ABI1: variants seen among roughly 807,000 people sequenced by gnomAD.
The protein encoded by ABI1 is abl interactor 1.
Under a neutral mutation model 54.6 loss-of-function variants are expected in ABI1, and 14 were observed. The observed-to-expected ratio is 0.26, with a 90% confidence interval of 0.17 to 0.40. The LOEUF (loss-of-function observed/expected upper bound fraction) is 0.40. Ranked by LOEUF, ABI1 falls within the 10% of genes least tolerant of loss-of-function variation. ABI1 has a pLI of 1.00. For missense variants in ABI1, 443 were observed against 598.3 expected (o/e 0.74, Z 2.71); for synonymous variants, 194 against 209.3 (o/e 0.93, Z 0.63).
intron 3 of ABI1, among the ~76,000 whole-genome samples, chr10:26,774,749 T>C (rs972241013): frequency 6.6e-6 from 1 of 151,972 alleles, no homozygotes; most frequent in Non-Finnish European, 1.5e-5. Context: ...GAAAATGCAA[T>C]GGAATATTAA....
At chr10:26,759,600 G>T (rs1201127780) in intron 7 of ABI1, among the ~76,000 whole-genome samples, 1 of 152,048 alleles carries the variant, frequency 6.6e-6, no homozygotes, top group Admixed American at 6.5e-5. Flanking sequence ...AGTACCAAAA[G>T]ATGGTGTGAG....
chr10:26,781,106 A>G (rs890545530), intron 2 of ABI1, among the ~76,000 whole-genome samples: 9 of 152,166 alleles, frequency 5.9e-5, no homozygotes, highest in Admixed American at 2.0e-4. Context: ...TGCACAGATG[A>G]CTTTCCTGAC....
intron 1 of ABI1, among the ~76,000 whole-genome samples, chr10:26,823,954 A>G (rs774290494): frequency 6.7e-6 from 1 of 150,288 alleles, no homozygotes; most frequent in Non-Finnish European, 1.5e-5. Context: ...TCACTAACAT[A>G]TAATCTAAAA....
At chr10:26,818,559 G>A (rs1328737413) in intron 2 of ABI1, among the ~76,000 whole-genome samples, 3 of 145,380 alleles carry the variant, frequency 2.1e-5, no homozygotes, top group Non-Finnish European at 4.4e-5. Context: ...GGGGAAGGCA[G>A]GGGCAAAGGT....
chr10:26,856,523 C>A (rs1354867939), intron 1 of ABI1, among the ~76,000 whole-genome samples: 1 of 146,584 alleles, frequency 6.8e-6, no homozygotes, highest in Non-Finnish European at 1.5e-5. Flanking sequence ...CTTTTACCTA[C>A]TCCAAACGGA....
chr10:26,790,338 A>G (rs1223659536), intron 2 of ABI1, among the ~76,000 whole-genome samples: 3 of 152,150 alleles, frequency 2.0e-5, no homozygotes, highest in African/African-American at 7.2e-5. Context: ...GACTGGTATG[A>G]GATGGTAGCT....
intron 1 of ABI1, among the ~76,000 whole-genome samples, chr10:26,838,239 G>A (rs1354089237): frequency 6.6e-6 from 1 of 151,796 alleles, no homozygotes; most frequent in Admixed American, 6.6e-5. Flanking sequence ...GGCCAAGCTG[G>A]TCTGGAACTC....
At chr10:26,835,105 A>C (rs1210377119) in intron 1 of ABI1, among the ~76,000 whole-genome samples, 2 of 149,648 alleles carry the variant, frequency 1.3e-5, no homozygotes, top group East Asian at 2.0e-4. Flanking sequence ...AAAAAAAAAA[A>C]AAAAAAAAAA....
chr10:26,798,849 C>A (rs896649972), intron 2 of ABI1, among the ~76,000 whole-genome samples: 1 of 151,536 alleles, frequency 6.6e-6, no homozygotes, highest in Non-Finnish European at 1.5e-5. Flanking sequence ...GAGATCTCAA[C>A]ACATGAGATC....
chr10:26,785,488 G>A (rs963874195), intron 2 of ABI1, among the ~76,000 whole-genome samples: 7 of 152,144 alleles, frequency 4.6e-5, no homozygotes, highest in Non-Finnish European at 8.8e-5. Context: ...TTGGGAGGCC[G>A]AGTAGGGCAG....
chr10:26,776,798 CAT>C (rs779938379), intron 3 of ABI1: 72 of 302,258 alleles, frequency 2.4e-4, no homozygotes, highest in Non-Finnish European at 3.8e-4. Flanking sequence ...GAAAGAAAGA[CAT>C]AGAATTCACA....
At chr10:26,842,748 A>G (rs2049620444) in intron 1 of ABI1, among the ~76,000 whole-genome samples, 1 of 152,208 alleles carries the variant, frequency 6.6e-6, no homozygotes, top group African/African-American at 2.4e-5. Context: ...ACTACATAAT[A>G]AATTAGAGCC....
chr10:26,855,482 A>AT (rs2050727933), intron 1 of ABI1, among the ~76,000 whole-genome samples: 1 of 152,230 alleles, frequency 6.6e-6, no homozygotes, highest in Admixed American at 6.5e-5. Context: ...CTTAACTTTT[A>AT]TGAGTCCTAA....
chr10:26,791,158 C>T (rs149711415), intron 2 of ABI1, among the ~76,000 whole-genome samples: 26 of 148,734 alleles, frequency 1.7e-4, no homozygotes, highest in African/African-American at 5.7e-4. Flanking sequence ...AAAATCATAT[C>T]AAGAGTTGTG....
At chr10:26,852,988 G>A (rs1362409640) in intron 1 of ABI1, among the ~76,000 whole-genome samples, 1 of 152,116 alleles carries the variant, frequency 6.6e-6, no homozygotes, top group Non-Finnish European at 1.5e-5. Flanking sequence ...CTATGTCTGA[G>A]AAAGTTTTAT....
In ABI1 at chr10:26,860,447, GA is replaced by G. The variant is rs1564600669; in HGVS notation, c.117+299del. Among the ~76,000 whole-genome samples, 1 of 152,202 alleles carries G rather than the reference GA, an allele frequency of 6.6e-6. No homozygotes were observed. The highest frequency in any genetic ancestry group is 1.5e-5 in the Non-Finnish European group (1 of 68,028). On this transcript the variant is annotated intron_variant, in intron 1 of 10. Transcript: ENST00000376140. The surrounding 1 kb of genome is among the most constrained non-coding windows in gnomAD (Gnocchi z 4.1). ...CGACCCCGGTGGCCGGGCCCTGGGGGAAGCGGACGCGAGGGGGGCGCCGGGC... is the reference window on the plus strand; with the variant it reads ...CGACCCCGGTGGCCGGGCCCTGGGGGAGCGGACGCGAGGGGGGCGCCGGGC...
At chr10:26,775,211 T>G (rs1050132379) in intron 3 of ABI1, among the ~76,000 whole-genome samples, 1 of 152,018 alleles carries the variant, frequency 6.6e-6, no homozygotes, top group East Asian at 1.9e-4. Flanking sequence ...AACACAAAAC[T>G]AAGAAAATAA....
At chr10:26,787,187 G>A (rs1842821049) in intron 2 of ABI1, among the ~76,000 whole-genome samples, 1 of 152,104 alleles carries the variant, frequency 6.6e-6, no homozygotes, top group African/African-American at 2.4e-5. Context: ...CCTTTTTCCA[G>A]TCTGCTCTCT....
At chr10:26,758,287 T>A (rs1192196479) in intron 8 of ABI1, among the ~76,000 whole-genome samples, 3 of 152,124 alleles carry the variant, frequency 2.0e-5, no homozygotes, top group African/African-American at 7.2e-5. Context: ...CTATGCCCAG[T>A]GGGCACAACT....
Sources: gnomAD v4.1 joint callset for allele counts (sites outside exome capture counted in the v4.1 genomes callset) on GRCh38, gnomAD v4.1.1 for gene constraint, Gnocchi (gnomAD v3.1) non-coding constraint, MANE v1.5 for transcripts, NCBI Gene and HGNC (gene_info 2026-07-23, HGNC 2026-07-21) for gene names.